CLASP1: variants seen among roughly 807,000 people sequenced by gnomAD.
CLASP1 encodes CLIP-associating protein 1.
In CLASP1, 38 loss-of-function variants were observed where a neutral mutation model predicts 192.3. The ratio of observed to expected loss-of-function variants is 0.20; its 90% confidence interval spans 0.15 to 0.26. The LOEUF is 0.26. CLASP1 is among the 10% of genes least tolerant of loss of function. The pLI is 1.00. For synonymous variants in CLASP1, 691 were observed against 712.8 expected (o/e 0.97, Z 0.49); for missense variants, 1,433 against 1,932.5 (o/e 0.74, Z 4.85).
At chr2:121,365,906 C>T (rs187066344) in intron 35 of CLASP1, among the ~76,000 whole-genome samples, 14 of 152,314 alleles carry the variant, frequency 9.2e-5, no homozygotes, top group Admixed American at 2.6e-4. Context: ...GCTGTGAACA[C>T]GGTTTCTATG....
At chr2:121,638,699 C>A (rs1471574084) in intron 1 of CLASP1, among the ~76,000 whole-genome samples, 1 of 148,322 alleles carries the variant, frequency 6.7e-6, no homozygotes, top group Admixed American at 6.8e-5. Flanking sequence ...CAGAGTTTTG[C>A]TCTTTTTGCC....
intron 37 of CLASP1, 98 bp from the exon 39 acceptor site, chr2:121,348,816 C>G: frequency 1.8e-6 from 2 of 1,084,962 alleles, no homozygotes; most frequent in Non-Finnish European, 2.6e-6. Flanking sequence ...GGACAATGAC[C>G]TCAATGTCAG....
intron 2 of CLASP1, among the ~76,000 whole-genome samples, chr2:121,555,700 T>C (rs1384592115): frequency 2.0e-5 from 3 of 152,236 alleles, no homozygotes; most frequent in Admixed American, 6.5e-5. Context: ...GTCTTTTTTT[T>C]CCTTTTTTAA....
intron 1 of CLASP1, among the ~76,000 whole-genome samples, chr2:121,614,765 T>C (rs1326969839): frequency 6.6e-6 from 1 of 152,188 alleles, no homozygotes; most frequent in Non-Finnish European, 1.5e-5. Context: ...ATAACTATAG[T>C]CTATGACTTC....
At chr2:121,388,966 T>C (rs1343175052) in intron 30 of CLASP1, among the ~76,000 whole-genome samples, 1 of 152,186 alleles carries the variant, frequency 6.6e-6, no homozygotes, top group East Asian at 1.9e-4. Flanking sequence ...AGAAATTCTT[T>C]TGGAAATAAA....
At position 121,505,682 on chromosome 2, in the gene CLASP1, A is replaced by G. The variant is rs1201886378; in HGVS notation, c.645-2448T>C. ...CTAATGATTACCCTCTGAGGCCACT[A>G]AATTGTTTTATTTTAAATCTCTGGA... is the stretch of plus-strand genomic sequence containing the variant. On this transcript the variant is annotated intron_variant, in intron 7 of 39. Transcript: ENST00000263710. Among the ~76,000 whole-genome samples, 6 of 152,192 alleles carry G rather than the reference A, an allele frequency of 3.9e-5. No individual in the cohort carries two copies. In the East Asian group the frequency reaches 1.2e-3, roughly 29 times the overall value.
At chr2:121,427,332 C>A in intron 21 of CLASP1, 72 bp downstream of exon 21, 1 of 1,533,374 alleles carries the variant, frequency 6.5e-7, no homozygotes, top group African/African-American at 1.4e-5. Flanking sequence ...TAATATTGTG[C>A]AAGGAACATG....
At chr2:121,529,539 G>T (rs2094694252) in intron 3 of CLASP1, among the ~76,000 whole-genome samples, 1 of 152,210 alleles carries the variant, frequency 6.6e-6, no homozygotes, top group South Asian at 2.1e-4. Context: ...ACGTAAAACA[G>T]AGAAATTCCA....
chr2:121,447,099 C>T (rs577520746), intron 19 of CLASP1, among the ~76,000 whole-genome samples: 9 of 152,258 alleles, frequency 5.9e-5, no homozygotes, highest in East Asian at 1.9e-4. Flanking sequence ...ACACACCCTC[C>T]GAGCATGAGT....
chr2:121,383,204 G>C (rs1162798965), intron 32 of CLASP1, among the ~76,000 whole-genome samples: 1 of 152,236 alleles, frequency 6.6e-6, no homozygotes, highest in Admixed American at 6.5e-5. Flanking sequence ...CATGGCATCA[G>C]TGCCAGGGTG....
chr2:121,356,943 G>C (rs2065504751), intron 37 of CLASP1, among the ~76,000 whole-genome samples: 1 of 139,786 alleles, frequency 7.2e-6, no homozygotes, highest in Non-Finnish European at 1.5e-5. Context: ...GTGTCCTGCT[G>C]TCCTGGAGAT....
chr2:121,530,907 C>G lies in CLASP1; in HGVS notation c.196-582G>C. 2.9e-6 allele frequency: 2 copies of G among 697,654 alleles called. No individual in the cohort carries two copies. Among genetic ancestry groups the G allele is most frequent in the Non-Finnish European group, 2.6e-6 (1 of 382,590 alleles). 43.2% of individuals were successfully genotyped at this position (697,654 alleles called of 1,614,324 possible). A position where few individuals can be genotyped will look rare whatever the true frequency, so the allele number is the denominator to read the frequency against. On this transcript the variant is annotated intron_variant, in intron 2 of 39. Coordinates refer to ENST00000263710, the Ensembl canonical transcript of CLASP1. ...CCATCCTTTTCTTGGGGTTGCGCTA[C>G]TGTCCAATGAGCGCATAGTGAGGGC... is the stretch of plus-strand genomic sequence containing the variant.
In CLASP1 at chr2:121,615,109, G is replaced by A. The variant is rs188738875; in HGVS notation, c.-285-8929C>T. Among the ~76,000 whole-genome samples the A allele has an allele frequency of 6.4e-3, 972 of 152,328 alleles. 15 individuals are homozygous for A. The highest frequency in any genetic ancestry group is 0.023 in the African/African-American group (940 of 41,566). On this transcript the variant is annotated intron_variant, in intron 1 of 39. Coordinates refer to ENST00000263710, the Ensembl canonical transcript of CLASP1. Reference sequence around the variant, plus strand: ...AATCCCAGCACTTTGGGAGGCCAAAGTGGGCAGATCACCTGAGGTCAGGAG... The same window carrying A: ...AATCCCAGCACTTTGGGAGGCCAAAATGGGCAGATCACCTGAGGTCAGGAG...
At chr2:121,484,277 T>A (rs1336937187) in intron 8 of CLASP1, among the ~76,000 whole-genome samples, 1 of 152,204 alleles carries the variant, frequency 6.6e-6, no homozygotes, top group Non-Finnish European at 1.5e-5. Context: ...CACATCTCCA[T>A]CATCTCGGCC....
rs1300695064 is a variant in CLASP1, at chr2:121,585,230, G to A, written c.195+20471C>T. 2.0e-5 allele frequency among the ~76,000 whole-genome samples: 3 copies of A among 152,190 alleles called. No individual in the cohort carries two copies. The South Asian group carries it at 6.2e-4, about 31-fold the overall frequency. ...AAATTGCCTATTTTACATAGCTGGA[G>A]TCACCTTCAAATAAAAGAAGAGAAA... On this transcript the variant is annotated intron_variant, in intron 2 of 39. Coordinates refer to ENST00000263710, the Ensembl canonical transcript of CLASP1.
chr2:121,435,610 T>A (rs890682618), intron 19 of CLASP1, among the ~76,000 whole-genome samples: 7 of 152,214 alleles, frequency 4.6e-5, no homozygotes, highest in Non-Finnish European at 7.3e-5. Context: ...TTTGTCTTGA[T>A]TTTTCATTTT....
chr2:121,552,589 A>G (rs371424393), intron 2 of CLASP1, among the ~76,000 whole-genome samples: 108 of 152,352 alleles, frequency 7.1e-4, no homozygotes, highest in African/African-American at 2.4e-3. Flanking sequence ...GGCATATGAA[A>G]AAAAGCTCAA....
intron 1 of CLASP1, among the ~76,000 whole-genome samples, chr2:121,625,844 C>A (rs1322166658): frequency 6.6e-6 from 1 of 151,816 alleles, no homozygotes; most frequent in Non-Finnish European, 1.5e-5. Context: ...GTAATCCCAG[C>A]ACTTTGGGAG....
intron 19 of CLASP1, chr2:121,445,051 T>A: frequency 1.3e-6 from 1 of 765,182 alleles, no homozygotes; most frequent in East Asian, 6.1e-5. Context: ...TATTAGCTAC[T>A]AAAAAAGCAA....
Sources: allele counts gnomAD v4.1 joint callset (sites outside exome capture counted in the v4.1 genomes callset), GRCh38; gene constraint gnomAD v4.1.1; transcripts MANE v1.5; gene names NCBI Gene and HGNC (gene_info 2026-07-23, HGNC 2026-07-21).